The following PLPPR5 variants were observed in gnomAD, a reference collection of about 807,000 sequenced individuals.
PLPPR5 encodes the protein phospholipid phosphatase related 5, also known as phospholipid phosphatase-related protein type 5.
PLPPR5 carries 16 observed loss-of-function variants against 33.9 expected under a neutral mutation model. The ratio of observed to expected loss-of-function variants is 0.47; its 90% CI spans 0.32 to 0.72. PLPPR5 has a LOEUF of 0.72. Ranked by LOEUF, PLPPR5 falls within the 30% of genes least tolerant of loss-of-function variation. PLPPR5 has a pLI of 0.03. For synonymous variants in PLPPR5, 163 were observed against 150.3 expected (o/e 1.08, Z -0.62); for missense variants, 301 against 406.7 (o/e 0.74, Z 2.23).
chr1:98,974,161 A>C (rs1651763390), intron 1 of PLPPR5, among the ~76,000 whole-genome samples: 1 of 151,998 alleles, frequency 6.6e-6, no homozygotes, highest in Admixed American at 6.6e-5. Flanking sequence ...CAAACAAAGG[A>C]CACTGGGCAG....
At chr1:98,934,334 A>G (rs1386336170) in intron 3 of PLPPR5, among the ~76,000 whole-genome samples, 4 of 152,168 alleles carry the variant, frequency 2.6e-5, no homozygotes, top group African/African-American at 9.7e-5. Flanking sequence ...GTGGATGCAG[A>G]CTGTGTGTTT....
intron 5 of PLPPR5, among the ~76,000 whole-genome samples, chr1:98,913,297 T>A (rs893954059): frequency 6.6e-6 from 1 of 152,242 alleles, no homozygotes; most frequent in African/African-American, 2.4e-5. Context: ...TTATTGAGTA[T>A]CAACTATTTT....
chr1:98,933,245 G>A (rs531555509), intron 3 of PLPPR5, among the ~76,000 whole-genome samples: 29 of 151,962 alleles, frequency 1.9e-4, no homozygotes, highest in African/African-American at 7.0e-4. Flanking sequence ...CAGCACTTTG[G>A]GAGGCTGAGG....
At position 98,941,989 on chromosome 1, in the gene PLPPR5, CGTAT is replaced by C. The variant is rs1396208915; in HGVS notation, c.621+11077_621+11080del. Among the ~76,000 whole-genome samples the C allele has an allele frequency of 1.9e-4, 9 of 47,274 alleles. No individual in the cohort carries two copies. In the East Asian group the frequency reaches 3.0e-3, roughly 16 times the overall value. 31.0% of individuals were successfully genotyped at this position (47,274 alleles called of 152,430 possible). A position where few individuals can be genotyped will look rare whatever the true frequency, so the allele number is the denominator to read the frequency against. ...GCAATTACAGATACATATATGTATA[CGTAT>C]ATATATATATATATACACATATACG... On this transcript the variant is annotated intron_variant, in intron 3 of 5. Transcript: ENST00000263177.
At chr1:98,962,975 T>C (rs1300715304) in intron 1 of PLPPR5, among the ~76,000 whole-genome samples, 3 of 152,184 alleles carry the variant, frequency 2.0e-5, no homozygotes, top group Admixed American at 6.6e-5. Flanking sequence ...CAATTTTCAG[T>C]GTGTCCTCAT....
intron 3 of PLPPR5, 21 bp from the exon 4 acceptor site, chr1:98,922,079 A>AG (rs34854879): frequency 3.1e-6 from 5 of 1,609,284 alleles, no homozygotes; most frequent in Non-Finnish European, 4.2e-6. Flanking sequence ...CAATAAAAAA[A>AG]ATGACTTTTC....
intron 5 of PLPPR5, among the ~76,000 whole-genome samples, chr1:98,908,145 T>C (rs1648976379): frequency 6.6e-6 from 1 of 152,188 alleles, no homozygotes; most frequent in Admixed American, 6.5e-5. Context: ...CTGTTAGAGA[T>C]TGCTCCTAGC....
chr1:98,947,154 T>C (rs1451754135), intron 3 of PLPPR5, among the ~76,000 whole-genome samples: 1 of 152,206 alleles, frequency 6.6e-6, no homozygotes, highest in Non-Finnish European at 1.5e-5. Flanking sequence ...TTTTTCAATA[T>C]TTCAAACAGC....
chr1:98,932,193 G>A (rs969821477), intron 3 of PLPPR5, among the ~76,000 whole-genome samples: 7 of 152,156 alleles, frequency 4.6e-5, no homozygotes, highest in South Asian at 2.1e-4. Context: ...CTGCTTTCTC[G>A]TGGAAACACT....
At chr1:98,965,024 G>T (rs999865129) in intron 1 of PLPPR5, among the ~76,000 whole-genome samples, 2 of 148,272 alleles carry the variant, frequency 1.3e-5, no homozygotes, top group Non-Finnish European at 3.0e-5. Flanking sequence ...TGTTGCCCAG[G>T]CTGGTCTTGA....
chr1:98,910,233 T>A (rs1408024851), intron 5 of PLPPR5, among the ~76,000 whole-genome samples: 1 of 152,282 alleles, frequency 6.6e-6, no homozygotes, highest in East Asian at 1.9e-4. Flanking sequence ...CACACCAGAC[T>A]CCCTTACTTT....
rs574112779 is a variant in PLPPR5, at chr1:98,921,882, C to G, written c.798G>C (p.Leu266=). The change falls in exon 4 of 6, where the codon CTG becomes CTC. Residue 266 remains leucine, a splice_region_variant and synonymous_variant. Transcript: ENST00000263177. The part of the protein sequence containing the change: ...FLVGISIAVF[L]VVCVVNNFKG... Reference sequence around the variant, plus strand: ...GATATATAAATAAATTTGTACTTACCAGAAATACTGCTATAGATATTCCAA... The same window carrying G: ...GATATATAAATAAATTTGTACTTACGAGAAATACTGCTATAGATATTCCAA... The G allele has an allele frequency of 1.2e-6, 2 of 1,600,074 alleles. No individual in the cohort carries two copies. The highest frequency in any genetic ancestry group is 1.1e-5 in the South Asian group (1 of 88,908).
chr1:98,986,229 A>G (rs1361936141), intron 1 of PLPPR5, among the ~76,000 whole-genome samples: 3 of 151,938 alleles, frequency 2.0e-5, no homozygotes, highest in African/African-American at 7.2e-5. Flanking sequence ...ATACTTTGGC[A>G]TCTTATTTTT....
chr1:98,916,225 C>T (rs1168904183), intron 4 of PLPPR5, among the ~76,000 whole-genome samples: 3 of 152,070 alleles, frequency 2.0e-5, no homozygotes, highest in Non-Finnish European at 4.4e-5. Context: ...CAGAAAAATA[C>T]TCCTTTGCAA....
At chr1:98,905,516 A>T (rs1340431584) in intron 5 of PLPPR5, among the ~76,000 whole-genome samples, 1 of 152,176 alleles carries the variant, frequency 6.6e-6, no homozygotes, top group East Asian at 1.9e-4. Context: ...TGAAGCAGTG[A>T]TAATGAGTCC....
chr1:98,913,241 T>C (rs1174269600), intron 5 of PLPPR5, among the ~76,000 whole-genome samples: 8 of 152,350 alleles, frequency 5.3e-5, no homozygotes, highest in Non-Finnish European at 1.5e-5. Context: ...TAATCCATGA[T>C]GTTGAGTACA....
intron 3 of PLPPR5, among the ~76,000 whole-genome samples, chr1:98,924,873 T>C (rs1649697938): frequency 6.6e-6 from 1 of 152,000 alleles, no homozygotes; most frequent in South Asian, 2.1e-4. Flanking sequence ...GAGTGGAGAG[T>C]GGACAGTGGC....
At chr1:98,950,563 C>T (rs1650743485) in intron 3 of PLPPR5, among the ~76,000 whole-genome samples, 1 of 152,158 alleles carries the variant, frequency 6.6e-6, no homozygotes, top group Non-Finnish European at 1.5e-5. Flanking sequence ...GTAGCAATGC[C>T]TTTGAAACAC....
rs1648247786 is a variant in PLPPR5 at position 98,890,860 on chromosome 1, G to C, written c.*2212C>G. 6.6e-6 allele frequency: 1 copy of C among 152,424 alleles called. No homozygotes were observed. Among genetic ancestry groups the C allele is most frequent in the East Asian group, 1.9e-4 (1 of 5,190 alleles). 9.4% of individuals were successfully genotyped at this position (152,424 alleles called of 1,614,324 possible). ...TTTACTCTGGTTCTGGGTTAAATCT[G>C]AGTTTTTGAAGAATTTAAAACTCCT... On this transcript the variant is annotated 3_prime_UTR_variant, in exon 6 of 6. Coordinates refer to ENST00000263177, the MANE Select transcript of PLPPR5 (RefSeq NM_001037317.2).
Sources: gnomAD v4.1 joint callset for allele counts (sites outside exome capture counted in the v4.1 genomes callset) on GRCh38, gnomAD v4.1.1 for gene constraint, MANE v1.5 for transcripts, NCBI Gene and HGNC (gene_info 2026-07-23, HGNC 2026-07-21) for gene names.